Variants in BICC1 observed in about 807,000 individuals in gnomAD.
The protein encoded by BICC1 is protein bicaudal C homolog 1.
BICC1 carries 43 observed loss-of-function variants against 111.0 expected under a neutral mutation model. That is an observed-to-expected ratio of 0.39 (90% CI 0.30 to 0.50). The LOEUF (loss-of-function observed/expected upper bound fraction) is 0.50, where lower values mean the gene tolerates loss of function less well. Ranked by LOEUF, BICC1 falls within the 20% of genes least tolerant of loss-of-function variation. The pLI is 0.88. For missense variants in BICC1, 1,091 were observed against 1,203.2 expected, an observed-to-expected ratio of 0.91 and a Z score of 1.38; for synonymous variants, 467 against 434.4, an observed-to-expected ratio of 1.07 and a Z score of -0.93.
chr10:58,641,113 A>C (rs6481414), intron 2 of BICC1, among the ~76,000 whole-genome samples: 148,682 of 152,304 alleles, frequency 0.98, 72,675 homozygotes, highest in East Asian at 1. Context: ...CAGCAGGAAA[A>C]ATGAAGCATC....
At chr10:58,761,334 T>C (rs1842310578) in intron 3 of BICC1, among the ~76,000 whole-genome samples, 1 of 152,154 alleles carries the variant, frequency 6.6e-6, no homozygotes, top group South Asian at 2.1e-4. Flanking sequence ...ATCCTAGAGC[T>C]GGGGGCAGTG....
chr10:58,676,142 T>G (rs937845826), intron 2 of BICC1, among the ~76,000 whole-genome samples: 4 of 152,126 alleles, frequency 2.6e-5, no homozygotes, highest in African/African-American at 9.7e-5. Context: ...ACCAGGAGAT[T>G]CCCTAGGGTG....
chr10:58,759,607 G>T (rs1482686214), intron 3 of BICC1, among the ~76,000 whole-genome samples: 8 of 152,020 alleles, frequency 5.3e-5, no homozygotes, highest in Admixed American at 1.3e-4. Context: ...CTTTTTCTAT[G>T]GTGTAAAAGA....
At chr10:58,785,551 C>T (rs184686657) in intron 4 of BICC1, among the ~76,000 whole-genome samples, 6 of 151,810 alleles carry the variant, frequency 4.0e-5, no homozygotes, top group South Asian at 2.1e-4. Flanking sequence ...TGTGTGATCA[C>T]GTGATGTCTC....
chr10:58,754,596 G>C (rs1842087330), intron 3 of BICC1, among the ~76,000 whole-genome samples: 1 of 152,294 alleles, frequency 6.6e-6, no homozygotes, highest in East Asian at 1.9e-4. Flanking sequence ...CCTTTGCTCA[G>C]TACATGCCTC....
At chr10:58,754,611 G>T (rs540802313) in intron 3 of BICC1, among the ~76,000 whole-genome samples, 8 of 152,298 alleles carry the variant, frequency 5.3e-5, no homozygotes, top group African/African-American at 1.9e-4. Flanking sequence ...TGCCTCACAC[G>T]GCAGGGAGCA....
intron 3 of BICC1, among the ~76,000 whole-genome samples, chr10:58,741,760 A>T (rs578013187): frequency 1.3e-5 from 2 of 152,018 alleles, no homozygotes; most frequent in Non-Finnish European, 2.9e-5. Flanking sequence ...ATTTTTCATG[A>T]TATTGTAGTT....
chr10:58,768,289 G>A (rs1263022234), intron 3 of BICC1, among the ~76,000 whole-genome samples: 2 of 152,142 alleles, frequency 1.3e-5, no homozygotes, highest in South Asian at 2.1e-4. Context: ...GGGTCACGAA[G>A]GAGTGGGATG....
intron 3 of BICC1, among the ~76,000 whole-genome samples, chr10:58,742,004 T>A (rs956754032): frequency 6.6e-6 from 1 of 152,182 alleles, no homozygotes; most frequent in Middle Eastern, 3.2e-3. Context: ...TCGTAGGCAG[T>A]TGGAATATCA....
Position 58,680,387 on chromosome 10 carries a change from AACAG to A in BICC1, c.238-21682_238-21679del, listed in dbSNP as rs141479961. Among the ~76,000 whole-genome samples, 55 of 151,988 alleles carry A rather than the reference AACAG, an allele frequency of 3.6e-4. No individual in the cohort carries two copies. The East Asian group carries it at 4.3e-3, about 12-fold the overall frequency. ...ATCACAAGCATTCCTATACGCCAAT[AACAG>A]ACAGCCAAATCATAAGTGAACTCCC... On this transcript the variant is annotated intron_variant, in intron 2 of 20. Coordinates refer to ENST00000373886, the MANE Select transcript of BICC1 (RefSeq NM_001080512.3).
intron 15 of BICC1, 43 bp downstream of exon 15, chr10:58,803,285 T>C (rs1241750556): frequency 3.3e-6 from 5 of 1,533,870 alleles, no homozygotes; most frequent in Admixed American, 3.8e-5. Flanking sequence ...TGTCATATGT[T>C]TGGGTTCTGG....
At chr10:58,534,357 C>T (rs1447507371) in intron 1 of BICC1, among the ~76,000 whole-genome samples, 2 of 151,526 alleles carry the variant, frequency 1.3e-5, no homozygotes, top group African/African-American at 4.8e-5. Context: ...GGGCGGCAGC[C>T]TATACTGTGA....
intron 3 of BICC1, among the ~76,000 whole-genome samples, chr10:58,720,019 G>C (rs1418510771): frequency 6.6e-6 from 1 of 152,144 alleles, no homozygotes; most frequent in African/African-American, 2.4e-5. Context: ...TCTTATGACT[G>C]ACATGAATGA....
chr10:58,570,794 G>A (rs1843925693), intron 1 of BICC1, among the ~76,000 whole-genome samples: 1 of 152,102 alleles, frequency 6.6e-6, no homozygotes, highest in African/African-American at 2.4e-5. Flanking sequence ...ACCTGAACCC[G>A]TATAACCTGG....
At chr10:58,512,730 G>C (rs1056270847), upstream of BICC1, among the ~76,000 whole-genome samples, 6 of 151,766 alleles carry the variant, frequency 4.0e-5, no homozygotes, top group Admixed American at 6.6e-5. Context: ...GTGCGCGCGC[G>C]AGTGTGTGAG....
intron 3 of BICC1, among the ~76,000 whole-genome samples, chr10:58,740,657 C>T (rs935304545): frequency 6.6e-6 from 1 of 152,110 alleles, no homozygotes; most frequent in Admixed American, 6.5e-5. Flanking sequence ...AATCTTTTAA[C>T]TCTTATTCCC....
intron 1 of BICC1, among the ~76,000 whole-genome samples, chr10:58,516,719 T>G (rs1035364912): frequency 1.3e-5 from 2 of 152,220 alleles, no homozygotes; most frequent in Admixed American, 6.5e-5. Context: ...TTTCTTTATT[T>G]AATACTGATC....
At position 58,828,781 on chromosome 10, in the gene BICC1, A is replaced by C; in HGVS notation, c.2815A>C (p.Lys939Gln). The C allele has an allele frequency of 6.2e-7, 1 of 1,613,768 alleles. No homozygotes were observed. Among genetic ancestry groups the C allele is most frequent in the African/African-American group, 1.3e-5 (1 of 75,032 alleles). The change falls in exon 21 of 21, where the codon AAG (lysine) becomes CAG (glutamine). Residue 939 changes from lysine (K) to glutamine (Q), a missense_variant. Lys to Gln is a moderately conservative substitution (Grantham distance 53). This residue lies in a region of BICC1 where 231 missense variants were observed against 256.2 expected (regional missense o/e 0.90). Coordinates refer to ENST00000373886, the MANE Select transcript of BICC1 (RefSeq NM_001080512.3). ...AISELNKNRR[K>Q]LFESPNARTS... ...TCTAGAACTAAATAAAAACCGAAGA[A>C]AGCTTTTTGAATCGCCAAATGCACG... is the stretch of plus-strand genomic sequence containing the variant.
chr10:58,600,051 C>T (rs1293470451), intron 1 of BICC1, among the ~76,000 whole-genome samples: 1 of 152,052 alleles, frequency 6.6e-6, no homozygotes, highest in Non-Finnish European at 1.5e-5. Flanking sequence ...ATGCATCCCA[C>T]TGATGCTCAC....
Sources: allele counts gnomAD v4.1 joint callset (sites outside exome capture counted in the v4.1 genomes callset), GRCh38; gene constraint gnomAD v4.1.1; regional missense constraint gnomAD v4.1.1; transcripts MANE v1.5; gene names NCBI Gene and HGNC (gene_info 2026-07-23, HGNC 2026-07-21).